PCDHA13: variants seen among roughly 807,000 people sequenced by gnomAD.
PCDHA13 encodes the protein protocadherin alpha 13, also known as protocadherin alpha-13.
Under a neutral mutation model 64.8 loss-of-function variants are expected in PCDHA13, and 54 were observed. The ratio of observed to expected loss-of-function variants is 0.83; its 90% CI spans 0.67 to 1.04. PCDHA13 has a LOEUF of 1.04. PCDHA13 is among the 50% of genes least tolerant of loss of function. The pLI, the probability that PCDHA13 is intolerant of heterozygous loss-of-function variation, is 0.00. For missense variants in PCDHA13, 1,248 were observed against 1,254.3 expected (o/e 0.99, Z 0.08); for synonymous variants, 587 against 564.4 (o/e 1.04, Z -0.57).
Position 140,982,561 on chromosome 5 carries a change from C to T in PCDHA13, c.2540C>T (p.Pro847Leu), listed in dbSNP as rs560422677. 11 of 1,614,060 alleles carry T rather than the reference C, an allele frequency of 6.8e-6. No individual in the cohort carries two copies. Among genetic ancestry groups the T allele is most frequent in the Non-Finnish European group, 9.3e-6 (11 of 1,179,970 alleles). Residue 847 changes from proline to leucine, a missense_variant and splice_region_variant, in exon 3 of 4, where the codon CCA becomes CTA. Pro to Leu is a moderately conservative substitution (Grantham distance 98). Coordinates refer to ENST00000289272, the MANE Select transcript of PCDHA13 (RefSeq NM_018904.3). Reference protein sequence around the residue: ...QQWPTVSSATPEPEAGEVSPP... With the variant: ...QQWPTVSSATLEPEAGEVSPP... ...TGGCCAACAGTATCCAGTGCAACAC[C>T]AGGTAAAGAGCTGGGGTCTCTCCAT...
At position 140,951,559 on chromosome 5, in the gene PCDHA13, G is replaced by A. The variant is rs545470803; in HGVS notation, c.2395-27390G>A. On this transcript the variant is annotated intron_variant, in intron 1 of 3. Transcript: ENST00000289272. ...AGCAAGGGACGGGGGGAAGTGCTAC[G>A]CACTTTTAAACAACCAGATTTCACG... 1.6e-4 allele frequency among the ~76,000 whole-genome samples: 25 copies of A among 152,040 alleles called. No individual in the cohort carries two copies. The South Asian group carries it at 5.2e-3, about 32-fold the overall frequency.
At chr5:140,906,813 A>G (rs1287106484) in intron 1 of PCDHA13, among the ~76,000 whole-genome samples, 4 of 152,042 alleles carry the variant, frequency 2.6e-5, no homozygotes, top group African/African-American at 4.8e-5. Flanking sequence ...CCTTACCTCC[A>G]CTGTGGAGTA....
chr5:141,008,329 T>C (rs2098370202), intron 3 of PCDHA13, among the ~76,000 whole-genome samples: 1 of 152,192 alleles, frequency 6.6e-6, no homozygotes, highest in Non-Finnish European at 1.5e-5. Context: ...AAACAGTTTA[T>C]TTGATGGAGC....
intron 1 of PCDHA13, chr5:140,928,137 C>A (rs537220203): frequency 6.2e-7 from 1 of 1,614,182 alleles, no homozygotes; most frequent in South Asian, 1.1e-5. Flanking sequence ...AAGTCCTGAT[C>A]ACGGCCTCAG....
chr5:140,901,815 A>T (rs1339282567), intron 1 of PCDHA13, among the ~76,000 whole-genome samples: 1 of 152,122 alleles, frequency 6.6e-6, no homozygotes, highest in African/African-American at 2.4e-5. Context: ...TACAATATTG[A>T]TTCTTCCAGT....
intron 1 of PCDHA13, among the ~76,000 whole-genome samples, chr5:140,909,538 A>T (rs1204423392): frequency 6.6e-6 from 1 of 152,148 alleles, no homozygotes; most frequent in East Asian, 1.9e-4. Context: ...TGAGTCCTTG[A>T]TGGTGGCACT....
chr5:140,900,502 C>T (rs1242310833), intron 1 of PCDHA13, among the ~76,000 whole-genome samples: 3 of 152,184 alleles, frequency 2.0e-5, no homozygotes, highest in Non-Finnish European at 4.4e-5. Context: ...GTCTCAAATT[C>T]CCAGCCTCAG....
At chr5:141,008,985 A>G (rs566679512) in intron 3 of PCDHA13, among the ~76,000 whole-genome samples, 2 of 152,240 alleles carry the variant, frequency 1.3e-5, no homozygotes, top group South Asian at 4.1e-4. Context: ...AGTTTAATCT[A>G]GACACTAAAA....
chr5:140,926,323 G>C (rs977416438), intron 1 of PCDHA13: 1 of 152,270 alleles, frequency 6.6e-6, no homozygotes, highest in South Asian at 2.1e-4. Flanking sequence ...GGTGCGCCGG[G>C]GTCAGAGCGC....
chr5:140,994,142 G>C (rs550428204), intron 3 of PCDHA13, among the ~76,000 whole-genome samples: 8 of 152,180 alleles, frequency 5.3e-5, no homozygotes, highest in Admixed American at 4.6e-4. Context: ...AATGCCCTAC[G>C]TAGGTAGGGT....
chr5:140,967,998 G>A lies in PCDHA13; in HGVS notation c.2395-10951G>A, dbSNP rs1554230183. The A allele has an allele frequency of 1.9e-6, 3 of 1,614,040 alleles. No individual in the cohort carries two copies. Among genetic ancestry groups the A allele is most frequent in the African/African-American group, 1.3e-5 (1 of 74,916 alleles). The stretch of plus-strand genomic sequence containing the variant: ...GGTCTGGAGGCCACACTGCCTTTCC[G>A]ACTGAATGGCTTTGGAAACTCCTAT... On this transcript the variant is annotated intron_variant, in intron 1 of 3. Transcript: ENST00000289272.
rs1367500775 is a variant in PCDHA13, at chr5:140,929,192, A to G, written c.2394+44530A>G. ...TCTCTGGGACTTGGTTCTGATAATA[A>G]CAGTTTGCTGTTGCGTGGGGAGTAC... On this transcript the variant is annotated intron_variant, in intron 1 of 3. Transcript: ENST00000289272. The G allele has an allele frequency of 8.1e-6, 13 of 1,614,124 alleles. 1 individual carries two copies. The highest frequency in any genetic ancestry group is 1.0e-5 in the Non-Finnish European group (12 of 1,180,018).
intron 1 of PCDHA13, among the ~76,000 whole-genome samples, chr5:140,906,323 A>G (rs1487570044): frequency 1.3e-5 from 2 of 152,212 alleles, no homozygotes; most frequent in Non-Finnish European, 2.9e-5. Context: ...AACATGATAC[A>G]ACTATCCTTC....
At chr5:140,928,656 T>C in intron 1 of PCDHA13, 1 of 1,614,232 alleles carries the variant, frequency 6.2e-7, no homozygotes, top group Middle Eastern at 1.6e-4. Flanking sequence ...CAGAGGATGC[T>C]GACAGTGGTT....
intron 1 of PCDHA13, chr5:140,968,696 A>G (rs1554230980): frequency 6.2e-7 from 1 of 1,614,134 alleles, no homozygotes; most frequent in Non-Finnish European, 8.5e-7. Context: ...AGAAATTAGG[A>G]CTACCAGGAA....
At chr5:140,947,771 T>A (rs1167163964) in intron 1 of PCDHA13, among the ~76,000 whole-genome samples, 1 of 151,706 alleles carries the variant, frequency 6.6e-6, no homozygotes, top group Non-Finnish European at 1.5e-5. Flanking sequence ...AAAATTCTAT[T>A]GTAAATGGAT....
chr5:140,954,209 T>C (rs2094996699), intron 1 of PCDHA13, among the ~76,000 whole-genome samples: 1 of 152,218 alleles, frequency 6.6e-6, no homozygotes, highest in Non-Finnish European at 1.5e-5. Context: ...GTTGATCCCA[T>C]GTTTTTGCTA....
rs932495728 is a variant in PCDHA13, at chr5:140,945,802, C to T, written c.2395-33147C>T. ...AGATGCAGAAAAATGAAACTAGACC[C>T]TTATCTCACACTGTATACAAAAGTC... On this transcript the variant is annotated intron_variant, in intron 1 of 3. Coordinates refer to ENST00000289272, the MANE Select transcript of PCDHA13 (RefSeq NM_018904.3). Among the ~76,000 whole-genome samples the T allele has an allele frequency of 5.9e-5, 9 of 152,202 alleles. No homozygotes were observed. The East Asian group carries it at 1.7e-3, about 29-fold the overall frequency.
At chr5:140,905,036 T>A (rs2071554831) in intron 1 of PCDHA13, among the ~76,000 whole-genome samples, 1 of 152,222 alleles carries the variant, frequency 6.6e-6, no homozygotes, top group Non-Finnish European at 1.5e-5. Flanking sequence ...AGCTTTTTAG[T>A]TTAATTAGGT....
Sources: allele counts gnomAD v4.1 joint callset (sites outside exome capture counted in the v4.1 genomes callset), GRCh38; gene constraint gnomAD v4.1.1; transcripts MANE v1.5; gene names NCBI Gene and HGNC (gene_info 2026-07-23, HGNC 2026-07-21).